The following TTN variants were observed in gnomAD, a reference collection of about 807,000 sequenced individuals.
The protein encoded by TTN is connectin.
A neutral mutation model predicts 3,223.0 loss-of-function variants in TTN; 1,525 were observed. The observed-to-expected ratio is 0.47, with a 90% CI of 0.45 to 0.49. The LOEUF is 0.49. TTN is among the 20% of genes least tolerant of loss of function. TTN has a pLI of 0.00. For synonymous variants in TTN, 14,094 were observed against 15,161.0 expected, an observed-to-expected ratio of 0.93 and a Z score of 5.17; for missense variants, 40,786 against 43,424.0, an observed-to-expected ratio of 0.94 and a Z score of 5.40.
chr2:178,665,546 G>A (rs530009487), intron 164 of TTN, 86 bp from the exon 165 acceptor site: 2 of 1,445,390 alleles, frequency 1.4e-6, no homozygotes, highest in South Asian at 2.4e-5. Context: ...TGATATTTAT[G>A]GCTAAAAAGA....
At position 178,562,464 on chromosome 2, in the gene TTN, C is replaced by G. The variant is rs757900483; in HGVS notation, c.83668G>C (p.Asp27890His). The change falls in exon 326 of 363, where the codon GAT (aspartate) becomes CAT (histidine). Residue 27890 changes from aspartate to histidine, a missense_variant. By Grantham distance (81) the Asp-to-His change is moderately conservative (BLOSUM62 -1). Coordinates refer to ENST00000589042, the MANE Select transcript of TTN (RefSeq NM_001267550.2). ...ATIKWEKPES[D>H]GGSKITGYVV... The stretch of plus-strand genomic sequence containing the variant: ...TAACCAGTAATTTTGCTGCCACCAT[C>G]ACTTTCTGGTTTCTCCCACTTAATT... 1 of 1,613,332 alleles carries G rather than the reference C, an allele frequency of 6.2e-7. No individual in the cohort carries two copies. Among genetic ancestry groups the G allele is most frequent in the Non-Finnish European group, 8.5e-7 (1 of 1,179,612 alleles).
intron 307 of TTN, 128 bp downstream of exon 307, chr2:178,586,990 A>G (rs2049147335): frequency 7.2e-7 from 1 of 1,393,666 alleles, no homozygotes; most frequent in Non-Finnish European, 9.9e-7. Context: ...TGAGATAGAT[A>G]TTTATTACAC....
In TTN at chr2:178,553,656, A is replaced by G. The variant is rs1700224989; in HGVS notation, c.89349T>C (p.Thr29783=). 2 of 1,613,894 alleles carry G rather than the reference A, an allele frequency of 1.2e-6. No homozygotes were observed. Among genetic ancestry groups the G allele is most frequent in the East Asian group, 4.5e-5 (2 of 44,866 alleles). The change falls in exon 334 of 363, where the codon ACT becomes ACC. Residue 29783 remains threonine (T), a synonymous_variant. Coordinates refer to ENST00000589042, the MANE Select transcript of TTN (RefSeq NM_001267550.2). ...IRQGEEEEWT[T]VSTKGEVRTT... ...TTCTGACCTCTCCTTTGGTAGAGAC[A>G]GTAGTCCATTCCTCTTCCTCTCCTT...
At position 178,535,364 on chromosome 2, in the gene TTN, T is replaced by G. The variant is rs753658469; in HGVS notation, c.101251A>C (p.Asn33751His). ...QARETRYTVI[N>H]LFGKTSYQFR... is the part of the protein sequence containing the mutation. ...TGGTAACTTGTTTTTCCAAATAAGT[T>G]GATCACGGTATAACGTGTTTCTCGG... Residue 33751 changes from asparagine to histidine, a missense_variant, in exon 358 of 363, where the codon AAC becomes CAC. Asn to His is a moderately conservative substitution (Grantham distance 68, BLOSUM62 1). Coordinates refer to ENST00000589042, the MANE Select transcript of TTN (RefSeq NM_001267550.2). The G allele has an allele frequency of 2.8e-5, 45 of 1,613,860 alleles. No individual in the cohort carries two copies. Among genetic ancestry groups the G allele is most frequent in the Non-Finnish European group, 3.6e-5 (43 of 1,179,868 alleles).
At position 178,644,592 on chromosome 2, in the gene TTN, T is replaced by C. The variant is rs1287845209; in HGVS notation, c.40433A>G (p.Glu13478Gly). The change falls in exon 218 of 363, where the codon GAA becomes GGA. Residue 13478 changes from glutamate to glycine, a missense_variant. Transcript: ENST00000589042. ...LKAIPKKKVP[E>G]KPQVPEKVEL... Reference sequence around the variant, plus strand: ...CACTTTTTCTGGAACCTGAGGTTTTTCAGGAACTTTCTTCTTTGGAATAGC... The same window carrying C: ...CACTTTTTCTGGAACCTGAGGTTTTCCAGGAACTTTCTTCTTTGGAATAGC... 20 of 1,575,848 alleles carry C rather than the reference T, an allele frequency of 1.3e-5. No homozygotes were observed. The East Asian group carries it at 3.0e-4, about 24-fold the overall frequency.
Position 178,547,176 on chromosome 2 carries a change from C to T in TTN, c.94349G>A (p.Arg31450His), listed in dbSNP as rs751985617. The change falls in exon 340 of 363, where the codon CGT (arginine) becomes CAT (histidine). Residue 31450 changes from arginine (R) to histidine (H), a missense_variant. Transcript: ENST00000589042. ...IIGYWVEKKE[R>H]NTILWVKENK... is the part of the protein sequence containing the mutation. ...TTCTTTCACCCAAAGAATTGTATTA[C>T]GTTCTTTCTTCTCAACCCAGTAGCC... 3.1e-6 allele frequency: 5 copies of T among 1,613,762 alleles called. No individual in the cohort carries two copies. Among genetic ancestry groups the T allele is most frequent in the Non-Finnish European group, 4.2e-6 (5 of 1,179,768 alleles).
In TTN at chr2:178,704,140, C is replaced by G. The variant is rs1382400683; in HGVS notation, c.30223+7G>C. 6.2e-7 allele frequency: 1 copy of G among 1,612,922 alleles called. No individual in the cohort carries two copies. Among genetic ancestry groups the G allele is most frequent in the Non-Finnish European group, 8.5e-7 (1 of 1,179,678 alleles). ...TACCCACAAGGACTCCATAGTGTTT[C>G]ACGCACCTTCGATTCTGAGTTCTGC... On this transcript the variant is annotated splice_region_variant and intron_variant, in intron 106 of 362. Coordinates refer to ENST00000589042, the MANE Select transcript of TTN (RefSeq NM_001267550.2).
At chr2:178,790,621 T>C (rs2093434754) in intron 11 of TTN, 87 bp downstream of exon 11, 1 of 1,599,580 alleles carries the variant, frequency 6.3e-7, no homozygotes, top group South Asian at 1.1e-5. Context: ...AGTGAAGAAG[T>C]GATGATTAAG....
Position 178,531,444 on chromosome 2 carries a change from T to C in TTN, c.105171A>G (p.Thr35057=). The change falls in exon 358 of 363, where the codon ACA becomes ACG. Residue 35057 remains threonine (T), a synonymous_variant. Coordinates refer to ENST00000589042, the MANE Select transcript of TTN (RefSeq NM_001267550.2). ...ATGAAACAGCATACGCCTCTGTTCT[T>C]GTCAGCTCAGGGAAAACAGATCTGG... is the stretch of plus-strand genomic sequence containing the variant. ...EVPRSVFPEL[T]RTEAYAVSSF... is the part of the protein sequence containing the mutation. 2 of 1,613,970 alleles carry C rather than the reference T, an allele frequency of 1.2e-6. No homozygotes were observed. The highest frequency in any genetic ancestry group is 1.7e-6 in the Non-Finnish European group (2 of 1,179,882).
chr2:178,548,663 C>T lies in TTN; in HGVS notation c.92963G>A (p.Arg30988Lys). The T allele has an allele frequency of 6.2e-7, 1 of 1,613,878 alleles. No individual in the cohort carries two copies. ...AAGGGTATATTTCCCTGCATCATTTCTGTTGCAGTTTTCCACAGTGAGGGT... is the reference window on the plus strand; with the variant it reads ...AAGGGTATATTTCCCTGCATCATTTTTGTTGCAGTTTTCCACAGTGAGGGT... Reference protein sequence around the residue: ...FSTLTVENCNRNDAGKYTLTV... With the variant: ...FSTLTVENCNKNDAGKYTLTV... The change falls in exon 339 of 363, where the codon AGA becomes AAA. Residue 30988 changes from arginine (R) to lysine (K), a missense_variant. By Grantham distance (26) the Arg-to-Lys change is conservative. Coordinates refer to ENST00000589042, the MANE Select transcript of TTN (RefSeq NM_001267550.2). The surrounding 1 kb of genome is among the most constrained non-coding windows in gnomAD (Gnocchi z 4.3).
chr2:178,779,350 A>G lies in TTN; in HGVS notation c.3842T>C (p.Val1281Ala). 1 of 1,612,310 alleles carries G rather than the reference A, an allele frequency of 6.2e-7. No individual in the cohort carries two copies. Among genetic ancestry groups the G allele is most frequent in the Non-Finnish European group, 8.5e-7 (1 of 1,178,556 alleles). ...LEEDGEEKMA[V>A]DISESEAVES... Reference sequence around the variant, plus strand: ...AACAGCTTCAGATTCAGAAATGTCAACTGCCATCTTTTCTTCTCCATCTTC... The same window carrying G: ...AACAGCTTCAGATTCAGAAATGTCAGCTGCCATCTTTTCTTCTCCATCTTC... The change falls in exon 23 of 363, where the codon GTT becomes GCT. Residue 1281 changes from valine to alanine, a missense_variant. Coordinates refer to ENST00000589042, the MANE Select transcript of TTN (RefSeq NM_001267550.2).
rs1171155874 is a variant in TTN, at chr2:178,533,365, T to G, written c.103250A>C (p.Asp34417Ala). The part of the protein sequence containing the change: ...PNIEIIHEGL[D>A]YYALHIRDTL... ...GTCCCTGATGTGCAGAGCATAATAA[T>G]CCAAGCCTTCATGGATAATTTCAAT... Residue 34417 changes from aspartate to alanine, a missense_variant, in exon 358 of 363, where the codon GAT (aspartate) becomes GCT (alanine). Coordinates refer to ENST00000589042, the MANE Select transcript of TTN (RefSeq NM_001267550.2). 6.2e-7 allele frequency: 1 copy of G among 1,613,594 alleles called. No homozygotes were observed. Among genetic ancestry groups the G allele is most frequent in the Non-Finnish European group, 8.5e-7 (1 of 1,179,852 alleles).
At chr2:178,786,584 C>T (rs1245323453) in intron 13 of TTN, among the ~76,000 whole-genome samples, 1 of 152,146 alleles carries the variant, frequency 6.6e-6, no homozygotes, top group African/African-American at 2.4e-5. Flanking sequence ...CACTCAAATA[C>T]CGTCATCATC....
intron 214 of TTN, 105 bp from the exon 215 acceptor site, chr2:178,647,249 G>C (rs2062155218): frequency 1.7e-6 from 2 of 1,208,188 alleles, no homozygotes; most frequent in East Asian, 5.1e-5. Context: ...CTCTATAACA[G>C]ATTATTCAGA....
chr2:178,805,968 C>T (rs1003262278), intron 1 of TTN, among the ~76,000 whole-genome samples: 10 of 152,158 alleles, frequency 6.6e-5, no homozygotes, highest in Non-Finnish European at 1.2e-4. Flanking sequence ...CCTAATTATT[C>T]AACATGACTA....
At position 178,580,382 on chromosome 2, in the gene TTN, T is replaced by C. The variant is rs753147042; in HGVS notation, c.66997A>G (p.Ile22333Val). The C allele has an allele frequency of 6.2e-7, 1 of 1,613,304 alleles. No homozygotes were observed. The highest frequency in any genetic ancestry group is 1.1e-5 in the South Asian group (1 of 91,060). Residue 22333 changes from isoleucine to valine, a missense_variant, in exon 317 of 363, where the codon ATC (isoleucine) becomes GTC (valine). Coordinates refer to ENST00000589042, the MANE Select transcript of TTN (RefSeq NM_001267550.2). ...NVNKYDAGKY[I>V]LTLENSCGKK... ...CCACAGCTGTTCTCCAGGGTTAAGA[T>C]ATATTTTCCTGCATCATATTTGTTC...
At chr2:178,765,751 G>A (rs2090264913) in intron 41 of TTN, among the ~76,000 whole-genome samples, 1 of 152,164 alleles carries the variant, frequency 6.6e-6, no homozygotes, top group Admixed American at 6.5e-5. Flanking sequence ...TCAAAACAAG[G>A]TCAGCTTGAG....
intron 2 of TTN, among the ~76,000 whole-genome samples, chr2:178,802,893 G>A (rs1036516268): frequency 3.3e-5 from 5 of 152,128 alleles, no homozygotes; most frequent in African/African-American, 4.8e-5. Context: ...TAAAAACATT[G>A]TAACATGGAC....
At chr2:178,593,900 T>C in intron 297 of TTN, 33 bp from the exon 298 acceptor site, 1 of 1,608,248 alleles carries the variant, frequency 6.2e-7, no homozygotes, top group Non-Finnish European at 8.5e-7. Flanking sequence ...CACAAAATGT[T>C]ATTGCCATTT....
Sources: gnomAD v4.1 joint callset for allele counts (sites outside exome capture counted in the v4.1 genomes callset) on GRCh38, gnomAD v4.1.1 for gene constraint, Gnocchi (gnomAD v3.1) non-coding constraint, MANE v1.5 for transcripts, NCBI Gene and HGNC (gene_info 2026-07-23, HGNC 2026-07-21) for gene names.